The following PHACTR1 variants were observed in gnomAD, a reference collection of about 807,000 sequenced individuals.
PHACTR1 encodes phosphatase and actin regulator 1.
Under a neutral mutation model 69.2 loss-of-function variants are expected in PHACTR1, and 16 were observed. That is an observed-to-expected ratio of 0.23 (90% CI 0.16 to 0.35). PHACTR1 has a LOEUF of 0.35. PHACTR1 is among the 10% of genes least tolerant of loss of function. PHACTR1 has a pLI of 1.00. For missense variants in PHACTR1, 510 were observed against 734.7 expected (o/e 0.69, Z 3.54); for synonymous variants, 312 against 284.5 (o/e 1.10, Z -0.97).
At chr6:13,203,219 T>A (rs565879594) in intron 7 of PHACTR1, among the ~76,000 whole-genome samples, 3 of 152,324 alleles carry the variant, frequency 2.0e-5, no homozygotes, top group Admixed American at 6.5e-5. Context: ...TCTGTAAACA[T>A]GATTTGCATC....
chr6:12,974,032 C>G (rs899710955), intron 4 of PHACTR1, among the ~76,000 whole-genome samples: 1 of 149,976 alleles, frequency 6.7e-6, no homozygotes, highest in Non-Finnish European at 1.5e-5. Flanking sequence ...AGCGATTCTC[C>G]TGCCTCAGCC....
rs564074849 is a variant in PHACTR1 at position 12,830,682 on chromosome 6, C to T, written c.250+80892C>T. On this transcript the variant is annotated intron_variant, in intron 4 of 14. Transcript: ENST00000332995. ...TCGGCTCACTGCAACCTCCATCTCC[C>T]GGGTTCAAGCGATTCTCCTTCATCA... Among the ~76,000 whole-genome samples, 292 of 152,152 alleles carry T rather than the reference C, an allele frequency of 1.9e-3. 1 individual carries two copies. The highest frequency in any genetic ancestry group is 6.5e-3 in the African/African-American group (268 of 41,496).
intron 4 of PHACTR1, among the ~76,000 whole-genome samples, chr6:13,018,932 G>A (rs1471074110): frequency 1.3e-5 from 2 of 152,038 alleles, no homozygotes; most frequent in Non-Finnish European, 2.9e-5. Flanking sequence ...AGGCTGGAGT[G>A]CAGAGGCAAA....
chr6:13,210,162 C>T (rs1372828151), intron 8 of PHACTR1, among the ~76,000 whole-genome samples: 1 of 152,120 alleles, frequency 6.6e-6, no homozygotes, highest in Non-Finnish European at 1.5e-5. Flanking sequence ...TGCACGCCAC[C>T]ATGCCCAGTT....
intron 7 of PHACTR1, among the ~76,000 whole-genome samples, chr6:13,204,916 G>A (rs1403147098): frequency 6.6e-6 from 1 of 152,178 alleles, no homozygotes; most frequent in Non-Finnish European, 1.5e-5. Flanking sequence ...CATGCCTGTT[G>A]GGAAGTTCCA....
chr6:12,818,852 C>T (rs1241437113), intron 4 of PHACTR1, among the ~76,000 whole-genome samples: 1 of 152,210 alleles, frequency 6.6e-6, no homozygotes, highest in African/African-American at 2.4e-5. Flanking sequence ...TACAAGTCAG[C>T]TTCCTTTTTA....
intron 3 of PHACTR1, among the ~76,000 whole-genome samples, chr6:12,727,478 C>T (rs992934527): frequency 1.3e-5 from 2 of 152,066 alleles, no homozygotes; most frequent in Admixed American, 6.6e-5. Flanking sequence ...ATCCAGGACT[C>T]ATACATAAAG....
chr6:13,212,698 C>T (rs1446309382), intron 8 of PHACTR1, among the ~76,000 whole-genome samples: 2 of 152,126 alleles, frequency 1.3e-5, no homozygotes, highest in Non-Finnish European at 2.9e-5. Context: ...CAGCGGCCTT[C>T]CCACCATTCT....
At chr6:12,793,174 TTA>T (rs1414102822) in intron 4 of PHACTR1, among the ~76,000 whole-genome samples, 1 of 152,226 alleles carries the variant, frequency 6.6e-6, no homozygotes, top group Non-Finnish European at 1.5e-5. Flanking sequence ...GGTCAGTATT[TTA>T]TGAGTGTTTC....
At chr6:13,196,748 T>TGC (rs1477420218) in intron 7 of PHACTR1, among the ~76,000 whole-genome samples, 2 of 152,158 alleles carry the variant, frequency 1.3e-5, no homozygotes, top group Admixed American at 6.5e-5. Context: ...ACCGATGTAG[T>TGC]GCGGTGTGCA....
intron 5 of PHACTR1, among the ~76,000 whole-genome samples, chr6:13,078,057 G>A (rs1397551290): frequency 2.0e-5 from 3 of 152,140 alleles, no homozygotes; most frequent in Non-Finnish European, 2.9e-5. Flanking sequence ...CATCTACTGG[G>A]AGTGTAGGAC....
At chr6:13,190,454 A>G (rs773961324) in intron 7 of PHACTR1, among the ~76,000 whole-genome samples, 18 of 152,160 alleles carry the variant, frequency 1.2e-4, no homozygotes, top group African/African-American at 3.6e-4. Flanking sequence ...GAGAGTTTCA[A>G]CAGATGAATT....
At chr6:12,764,431 C>T (rs181273466) in intron 4 of PHACTR1, among the ~76,000 whole-genome samples, 4 of 152,206 alleles carry the variant, frequency 2.6e-5, no homozygotes, top group Non-Finnish European at 2.9e-5. Context: ...AAAATTATAG[C>T]TAGTTTCATT....
At chr6:12,719,853 C>T (rs2127555027) in intron 3 of PHACTR1, among the ~76,000 whole-genome samples, 1 of 152,328 alleles carries the variant, frequency 6.6e-6, no homozygotes, top group South Asian at 2.1e-4. Flanking sequence ...AGGGGGCTTG[C>T]AAGCCATCTC....
At chr6:12,821,728 G>A (rs1248988539) in intron 4 of PHACTR1, among the ~76,000 whole-genome samples, 1 of 152,154 alleles carries the variant, frequency 6.6e-6, no homozygotes, top group Admixed American at 6.5e-5. Context: ...CTGGGCCAGG[G>A]TATTGGGTTA....
intron 4 of PHACTR1, among the ~76,000 whole-genome samples, chr6:12,908,572 A>C (rs1329842149): frequency 3.9e-5 from 6 of 151,908 alleles, no homozygotes; most frequent in Non-Finnish European, 8.8e-5. Context: ...GCAGTCAAGG[A>C]ATGTCTGGCA....
At chr6:12,806,976 C>T (rs897307268) in intron 4 of PHACTR1, among the ~76,000 whole-genome samples, 1 of 152,132 alleles carries the variant, frequency 6.6e-6, no homozygotes, top group Non-Finnish European at 1.5e-5. Context: ...TCATGCGTAA[C>T]TATTTTTATG....
At chr6:13,183,810 T>C (rs1431359088) in intron 7 of PHACTR1, among the ~76,000 whole-genome samples, 2 of 152,170 alleles carry the variant, frequency 1.3e-5, no homozygotes, top group African/African-American at 4.8e-5. Flanking sequence ...TAGATTTGAC[T>C]GTTATAGTAA....
chr6:13,254,793 T>C (rs1013840904), intron 10 of PHACTR1, among the ~76,000 whole-genome samples: 46 of 152,230 alleles, frequency 3.0e-4, no homozygotes, highest in South Asian at 2.1e-4. Flanking sequence ...GTGTGACTCA[T>C]GTAGATTACT....
Sources: gnomAD v4.1 joint callset for allele counts (sites outside exome capture counted in the v4.1 genomes callset) on GRCh38, gnomAD v4.1.1 for gene constraint, MANE v1.5 for transcripts, NCBI Gene and HGNC (gene_info 2026-07-23, HGNC 2026-07-21) for gene names.